CAPN13: variants seen among roughly 807,000 people sequenced by gnomAD.
CAPN13 encodes the protein calpain 13, also known as calpain-13.
A neutral mutation model predicts 98.4 loss-of-function variants in CAPN13; 90 were observed. That is an observed-to-expected ratio of 0.92 (90% CI 0.77 to 1.09). The LOEUF (loss-of-function observed/expected upper bound fraction) is 1.09. Among genes scored for constraint, CAPN13 ranks in the 50% least tolerant of loss-of-function variants. The pLI is 0.00. For missense variants in CAPN13, 887 were observed against 841.3 expected (o/e 1.05, Z -0.67); for synonymous variants, 330 against 305.5 (o/e 1.08, Z -0.84).
intron 8 of CAPN13, among the ~76,000 whole-genome samples, chr2:30,754,706 C>T (rs959746931): frequency 2.6e-5 from 4 of 152,246 alleles, no homozygotes; most frequent in Non-Finnish European, 5.9e-5. Context: ...GAGTCCCTCT[C>T]TCACACCCCC....
intron 1 of CAPN13, among the ~76,000 whole-genome samples, chr2:30,797,218 G>A (rs1186741930): frequency 6.6e-6 from 1 of 152,060 alleles, no homozygotes; most frequent in Admixed American, 6.5e-5. Context: ...GAATAATCCT[G>A]CTGTAAGAGA....
intron 12 of CAPN13, chr2:30,743,807 G>A (rs552307753): frequency 1.0e-4 from 66 of 658,668 alleles, no homozygotes; most frequent in Admixed American, 3.3e-4. Flanking sequence ...ACCACACACA[G>A]TTTCATCTCA....
intron 17 of CAPN13, 174 bp downstream of exon 17, chr2:30,738,061 T>C (rs1671465521): frequency 1.5e-6 from 1 of 669,016 alleles, no homozygotes; most frequent in Middle Eastern, 4.0e-4. Context: ...ACTATTATCA[T>C]TGTTGCTGTG....
intron 4 of CAPN13, among the ~76,000 whole-genome samples, chr2:30,774,828 A>G (rs778866376): frequency 5.3e-5 from 8 of 152,352 alleles, no homozygotes; most frequent in Non-Finnish European, 1.0e-4. Context: ...GAACTTAAAC[A>G]TGATAAAAAT....
chr2:30,733,968 A>G (rs995243162), intron 19 of CAPN13, among the ~76,000 whole-genome samples: 1 of 152,182 alleles, frequency 6.6e-6, no homozygotes, highest in African/African-American at 2.4e-5. Flanking sequence ...TATGCACCCT[A>G]AGGAATTATT....
chr2:30,777,621 G>A lies in CAPN13; in HGVS notation c.217C>T (p.Pro73Ser), dbSNP rs762769811. ...CTTATATCATCCAGGATGAAGTGAG[G>A]AGGACCCCCTGGTAGATCCTTTAGG... ...KRPQDLPGGP[P>S]HFILDDISRF... The change falls in exon 3 of 23, where the codon CCT becomes TCT. Residue 73 changes from proline to serine, a missense_variant. Coordinates refer to ENST00000295055, the MANE Select transcript of CAPN13 (RefSeq NM_144575.3). 1.2e-5 allele frequency: 19 copies of A among 1,578,008 alleles called. No homozygotes were observed. The highest frequency in any genetic ancestry group is 1.6e-5 in the Non-Finnish European group (19 of 1,160,270).
chr2:30,754,746 T>G (rs1001682754), intron 8 of CAPN13, among the ~76,000 whole-genome samples: 1 of 152,106 alleles, frequency 6.6e-6, no homozygotes, highest in African/African-American at 2.4e-5. Context: ...ATAGCATTCA[T>G]TGATTGATCC....
intron 22 of CAPN13, among the ~76,000 whole-genome samples, chr2:30,728,620 T>C (rs751062): frequency 0.44 from 66,851 of 151,992 alleles, 14,897 homozygotes; most frequent in East Asian, 0.65. Context: ...GGTTAGATGG[T>C]GGGCAGGGTC....
chr2:30,796,592 G>C (rs1453901870), intron 1 of CAPN13, among the ~76,000 whole-genome samples: 2 of 152,016 alleles, frequency 1.3e-5, no homozygotes, highest in Non-Finnish European at 2.9e-5. Context: ...TGGAAATCAA[G>C]AGCAATTAAC....
chr2:30,731,152 ATC>A (rs1446116683), intron 21 of CAPN13, among the ~76,000 whole-genome samples, 190 bp downstream of exon 21: 2 of 152,186 alleles, frequency 1.3e-5, no homozygotes, highest in African/African-American at 4.8e-5. Flanking sequence ...AAAAAATAAA[ATC>A]TGTCTGCCAA....
At chr2:30,804,207 T>C (rs903924195) in intron 1 of CAPN13, among the ~76,000 whole-genome samples, 4 of 152,044 alleles carry the variant, frequency 2.6e-5, no homozygotes, top group African/African-American at 9.7e-5. Context: ...GCCTGTTCTG[T>C]TTGTTTGTTT....
intron 22 of CAPN13, among the ~76,000 whole-genome samples, chr2:30,723,786 C>A (rs1404901906): frequency 1.3e-5 from 2 of 152,158 alleles, no homozygotes; most frequent in African/African-American, 2.4e-5. Context: ...GGTAAAGAGG[C>A]CTCAACTCTT....
rs1438891666 is a variant in CAPN13, at chr2:30,743,414, G to A, written c.1414C>T (p.Arg472Ter). 3.2e-5 allele frequency: 51 copies of A among 1,613,796 alleles called. No individual in the cohort carries two copies. The highest frequency in any genetic ancestry group is 4.2e-5 in the Non-Finnish European group (49 of 1,179,866). The change falls in exon 13 of 23, where the codon CGA (arginine) becomes TGA (stop). Residue 472 changes from arginine (R) to a stop codon, truncating the protein, a stop_gained. Coordinates refer to ENST00000295055, the MANE Select transcript of CAPN13 (RefSeq NM_144575.3). LOFTEE classifies it high-confidence loss of function. ...CTGTCTGGCATTTTCAGGAAGATTC[G>A]GAGCAAGAACTCCGCTGATTTTCTC... The part of the protein sequence containing the change: ...TRRKSAEFLL[R>*]IFLKMPDSDR...
At chr2:30,771,166 T>C (rs997290563) in intron 4 of CAPN13, among the ~76,000 whole-genome samples, 1 of 152,230 alleles carries the variant, frequency 6.6e-6, no homozygotes, top group African/African-American at 2.4e-5. Context: ...TTCAACTCTA[T>C]ATAGTTCACC....
intron 2 of CAPN13, among the ~76,000 whole-genome samples, chr2:30,784,179 C>CA (rs780406701): frequency 7.7e-5 from 11 of 143,234 alleles, no homozygotes; most frequent in South Asian, 4.3e-4. Flanking sequence ...GACTCCATCT[C>CA]AAAAAAAAGA....
intron 1 of CAPN13, among the ~76,000 whole-genome samples, chr2:30,794,363 A>G (rs1424598485): frequency 6.6e-6 from 1 of 151,926 alleles, no homozygotes; most frequent in Non-Finnish European, 1.5e-5. Flanking sequence ...ACTATAGGCC[A>G]TTTTCTAATG....
intron 1 of CAPN13, among the ~76,000 whole-genome samples, chr2:30,794,707 G>T (rs1674769747): frequency 1.3e-5 from 2 of 151,812 alleles, no homozygotes; most frequent in African/African-American, 4.8e-5. Flanking sequence ...GCAATAAAAA[G>T]AAATGAATTA....
intron 5 of CAPN13, among the ~76,000 whole-genome samples, chr2:30,765,925 T>A (rs1172701600): frequency 6.6e-6 from 1 of 152,136 alleles, no homozygotes; most frequent in Non-Finnish European, 1.5e-5. Flanking sequence ...TGACCCAGGG[T>A]CTAGATTTTT....
At chr2:30,744,485 G>A (rs1034390795) in intron 12 of CAPN13, among the ~76,000 whole-genome samples, 10 of 152,190 alleles carry the variant, frequency 6.6e-5, no homozygotes, top group African/African-American at 1.7e-4. Flanking sequence ...TTCTCCAGAG[G>A]GTCAGCAGTG....
Sources: gnomAD v4.1 joint callset for allele counts (sites outside exome capture counted in the v4.1 genomes callset) on GRCh38, gnomAD v4.1.1 for gene constraint, MANE v1.5 for transcripts, NCBI Gene and HGNC (gene_info 2026-07-23, HGNC 2026-07-21) for gene names.